ZBTB4: variants seen among roughly 807,000 people sequenced by gnomAD.
ZBTB4 encodes zinc finger and BTB domain containing 4.
In ZBTB4, 14 loss-of-function variants were observed where a neutral mutation model predicts 59.8. That is an observed-to-expected ratio of 0.23 (90% CI 0.15 to 0.37). The LOEUF (loss-of-function observed/expected upper bound fraction) is 0.37, where lower values mean the gene tolerates loss of function less well. Among genes scored for constraint, ZBTB4 ranks in the 10% least tolerant of loss-of-function variants. The pLI, the probability that ZBTB4 is intolerant of heterozygous loss-of-function variation, is 1.00. For synonymous variants in ZBTB4, 587 were observed against 575.2 expected, an observed-to-expected ratio of 1.02 and a Z score of -0.29; for missense variants, 1,198 against 1,380.8, an observed-to-expected ratio of 0.87 and a Z score of 2.10.
chr17:7,463,237 C>G lies in ZBTB4; in HGVS notation c.1745G>C (p.Gly582Ala), dbSNP rs755959615. Residue 582 changes from glycine to alanine, a missense_variant, in exon 4 of 4, where the codon GGG becomes GCG. This residue lies in a region of ZBTB4 where 550 missense variants were observed against 541.8 expected (regional missense o/e 1.02). Coordinates refer to ENST00000380599, the MANE Select transcript of ZBTB4 (RefSeq NM_001128833.2). ...AKPVGGIGGG[G>A]GPPTGAGRGP... is the part of the protein sequence containing the mutation. The stretch of plus-strand genomic sequence containing the variant: ...CCGGCCAGCCCCTGTGGGGGGACCC[C>G]CACCTCCACCAATCCCGCCCACTGG... The G allele has an allele frequency of 6.2e-6, 10 of 1,611,420 alleles. No individual in the cohort carries two copies. Among genetic ancestry groups the G allele is most frequent in the Non-Finnish European group, 8.5e-6 (10 of 1,179,406 alleles).
chr17:7,462,448 G>A lies in ZBTB4; in HGVS notation c.2534C>T (p.Ala845Val). The A allele has an allele frequency of 6.2e-7, 1 of 1,613,868 alleles. No individual in the cohort carries two copies. Among genetic ancestry groups the A allele is most frequent in the Non-Finnish European group, 8.5e-7 (1 of 1,180,012 alleles). ...STAAEEASET[A>V]SLQDPIISGG... ...TGAAATGATAGGGTCCTGGAGTGAG[G>A]CGGTCTCGGAAGCTTCCTCAGCAGC... The change falls in exon 4 of 4, where the codon GCC (alanine) becomes GTC (valine). Residue 845 changes from alanine (A) to valine (V), a missense_variant. This residue lies in a region of ZBTB4 where 211 missense variants were observed against 236.1 expected (regional missense o/e 0.89). Transcript: ENST00000380599. The surrounding 1 kb of genome is among the most constrained non-coding windows in gnomAD (Gnocchi z 7.5).
chr17:7,471,106 G>C (rs1229195583), intron 1 of ZBTB4, among the ~76,000 whole-genome samples: 1 of 152,168 alleles, frequency 6.6e-6, no homozygotes, highest in Non-Finnish European at 1.5e-5. Flanking sequence ...CTTAGAACTA[G>C]AGACACCCAA....
upstream of ZBTB4, chr17:7,482,514 T>C: frequency 6.2e-7 from 1 of 1,613,504 alleles, no homozygotes; most frequent in Non-Finnish European, 8.5e-7. Context: ...GGACCTGGAC[T>C]CTGGACACTA....
In ZBTB4 at chr17:7,462,110, C is replaced by T; in HGVS notation, c.2872G>A (p.Ala958Thr). Reference protein sequence around the residue: ...LNMVLPDEKGAGALPFLPGVF... With the variant: ...LNMVLPDEKGTGALPFLPGVF... ...CCTGGTAGGAAGGGAAGGGCCCCCGCACCCTTCTCATCAGGTAGGACCATG... is the reference window on the plus strand; with the variant it reads ...CCTGGTAGGAAGGGAAGGGCCCCCGTACCCTTCTCATCAGGTAGGACCATG... The change falls in exon 4 of 4, where the codon GCG (alanine) becomes ACG (threonine). Residue 958 changes from alanine to threonine, a missense_variant. By Grantham distance (58) the Ala-to-Thr change is moderately conservative (BLOSUM62 0). Coordinates refer to ENST00000380599, the MANE Select transcript of ZBTB4 (RefSeq NM_001128833.2). This position sits in a 1 kb window ranked among gnomAD's most constrained non-coding sequence, Gnocchi z 7.5. 1 of 1,611,894 alleles carries T rather than the reference C, an allele frequency of 6.2e-7. No individual in the cohort carries two copies. Among genetic ancestry groups the T allele is most frequent in the Non-Finnish European group, 8.5e-7 (1 of 1,178,850 alleles).
upstream of ZBTB4, chr17:7,479,687 C>A (rs1185430838): frequency 2.7e-5 from 4 of 150,376 alleles, no homozygotes; most frequent in Admixed American, 6.7e-5. Context: ...AGTCCCCCCC[C>A]AGCGCCGCCG....
At position 7,466,187 on chromosome 17, in the gene ZBTB4, G is replaced by A. The variant is rs765308988; in HGVS notation, c.615C>T (p.Pro205=). The A allele has an allele frequency of 1.5e-5, 24 of 1,613,170 alleles. 1 individual carries two copies. In the East Asian group the frequency reaches 3.1e-4, roughly 21 times the overall value. The change falls in exon 3 of 4, where the codon CCC becomes CCT. Residue 205 remains proline (P), a synonymous_variant. Transcript: ENST00000380599. The surrounding 1 kb of genome is among the most constrained non-coding windows in gnomAD (Gnocchi z 9.1). ...TSQPEEDSFG[P]GPRPAGEWEG... ...CCCACTCCCCAGCTGGCCTGGGCCC[G>A]GGCCCAAAGCTGTCCTCTTCAGGCT...
chr17:7,479,887 C>T (rs1037938934), upstream of ZBTB4, among the ~76,000 whole-genome samples: 17 of 151,732 alleles, frequency 1.1e-4, no homozygotes, highest in Non-Finnish European at 2.2e-4. Flanking sequence ...GACCACCGAC[C>T]CCCAGGGAAA....
chr17:7,467,808 T>G (rs932724666), intron 1 of ZBTB4, among the ~76,000 whole-genome samples: 1 of 152,214 alleles, frequency 6.6e-6, no homozygotes, highest in Non-Finnish European at 1.5e-5. Context: ...CTGGTAGATA[T>G]TCAAATTAGG....
At position 7,463,236 on chromosome 17, in the gene ZBTB4, C is replaced by CCCACCT; in HGVS notation, c.1740_1745dup (p.Gly582_Gly583dup). ...CCCGGCCAGCCCCTGTGGGGGGACC[C>CCCACCT]CCACCTCCACCAATCCCGCCCACTG... On this transcript the variant is annotated inframe_insertion, in exon 4 of 4. Transcript: ENST00000380599. The CCCACCT allele has an allele frequency of 4.3e-6, 7 of 1,611,348 alleles. No individual in the cohort carries two copies. Among genetic ancestry groups the CCCACCT allele is most frequent in the Non-Finnish European group, 5.9e-6 (7 of 1,179,398 alleles).
rs183357608 is a variant in ZBTB4 at position 7,462,820 on chromosome 17, C to T, written c.2162G>A (p.Arg721His). ...CCCGCATCGGTGCCTCCGCTCTGTG[C>T]GGGCACGTCCCGCTGGGCTCTCGGC... ...PAAESPAGRA[R>H]TERRHRCGDC... The change falls in exon 4 of 4, where the codon CGC becomes CAC. Residue 721 changes from arginine (R) to histidine (H), a missense_variant. Physicochemically the swap from Arg to His is conservative, Grantham distance 29 (BLOSUM62 0). Coordinates refer to ENST00000380599, the MANE Select transcript of ZBTB4 (RefSeq NM_001128833.2). This position sits in a 1 kb window ranked among gnomAD's most constrained non-coding sequence, Gnocchi z 7.5. The T allele has an allele frequency of 1.2e-4, 200 of 1,602,838 alleles. No individual in the cohort carries two copies. Among genetic ancestry groups the T allele is most frequent in the Admixed American group, 4.8e-4 (29 of 59,988 alleles).
In ZBTB4 at chr17:7,462,404, C is replaced by A; in HGVS notation, c.2578G>T (p.Val860Leu). 6.2e-7 allele frequency: 1 copy of A among 1,613,990 alleles called. No individual in the cohort carries two copies. Among genetic ancestry groups the A allele is most frequent in the Non-Finnish European group, 8.5e-7 (1 of 1,180,004 alleles). Reference protein sequence around the residue: ...PIISGGEEPPVVASGGSYVYP... With the variant: ...PIISGGEEPPLVASGGSYVYP... The stretch of plus-strand genomic sequence containing the variant: ...ACATAGCTGCCCCCGCTTGCCACTA[C>A]TGGGGGCTCCTCACCCCCTGAAATG... Residue 860 changes from valine (V) to leucine (L), a missense_variant, in exon 4 of 4, where the codon GTA becomes TTA. Physicochemically the swap from Val to Leu is conservative, Grantham distance 32. Around this residue, in one of 9 missense-constraint regions of ZBTB4, gnomAD observed 211 missense variants for 236.1 expected, o/e 0.89. Coordinates refer to ENST00000380599, the MANE Select transcript of ZBTB4 (RefSeq NM_001128833.2). The surrounding 1 kb of genome is among the most constrained non-coding windows in gnomAD (Gnocchi z 7.5).
chr17:7,472,254 G>C (rs900728856), intron 1 of ZBTB4, among the ~76,000 whole-genome samples: 1 of 151,266 alleles, frequency 6.6e-6, no homozygotes, highest in Non-Finnish European at 1.5e-5. Flanking sequence ...GCAGTGGTGC[G>C]ATCTGGGCTC....
rs145202847 is a variant in ZBTB4 at position 7,469,132 on chromosome 17, C to A, written c.-80-1805G>T. Among the ~76,000 whole-genome samples the A allele has an allele frequency of 4.0e-3, 611 of 152,120 alleles. 2 individuals carry two copies. The highest frequency in any genetic ancestry group is 5.6e-3 in the Non-Finnish European group (379 of 68,000). On this transcript the variant is annotated intron_variant, in intron 1 of 3. Coordinates refer to ENST00000380599, the MANE Select transcript of ZBTB4 (RefSeq NM_001128833.2). ...TTACCTCATTTGTTCCTTATCACTA[C>A]CCTGAAAGGTAGCAGTTAGCTTTCC...
upstream of ZBTB4, chr17:7,482,661 C>T (rs2070361199): frequency 6.2e-7 from 1 of 1,611,960 alleles, no homozygotes; most frequent in African/African-American, 1.3e-5. Flanking sequence ...GCCTTCCTAT[C>T]TGGCTTGGTG....
At chr17:7,482,626 C>A, upstream of ZBTB4, 1 of 1,612,106 alleles carries the variant, frequency 6.2e-7, no homozygotes, top group Non-Finnish European at 8.5e-7. Flanking sequence ...GTTCTCTGCA[C>A]TTTCCCTCCT....
chr17:7,459,790 A>G lies in ZBTB4; in HGVS notation c.*2150T>C, dbSNP rs527911297. ...CATATTTAAGAAAAAAAAAATGTCT[A>G]CAATCTCAATTCTCCCAAAAAAAAA... On this transcript the variant is annotated 3_prime_UTR_variant, in exon 4 of 4. Coordinates refer to ENST00000380599, the MANE Select transcript of ZBTB4 (RefSeq NM_001128833.2). 5.2e-5 allele frequency: 8 copies of G among 152,670 alleles called. No individual in the cohort carries two copies. The highest frequency in any genetic ancestry group is 1.7e-4 in the African/African-American group (7 of 41,530). The allele number at this position is 152,670 out of a possible 1,614,324, so 9.5% of individuals were successfully genotyped here. A position where few individuals can be genotyped will look rare whatever the true frequency, so the allele number is the denominator to read the frequency against.
chr17:7,478,579 C>T (rs931943126), intron 1 of ZBTB4, among the ~76,000 whole-genome samples: 1 of 152,182 alleles, frequency 6.6e-6, no homozygotes, highest in Non-Finnish European at 1.5e-5. Flanking sequence ...TGGCACCCTC[C>T]GCAACACATA....
chr17:7,469,590 T>C lies in ZBTB4; in HGVS notation c.-80-2263A>G, dbSNP rs554324516. ...CCAGCCTGGCCAATGTGGCGATCTC[T>C]ACTAAAAATAATAATAAAAAAAAAA... On this transcript the variant is annotated intron_variant, in intron 1 of 3. Transcript: ENST00000380599. Among the ~76,000 whole-genome samples, 22 of 144,846 alleles carry C rather than the reference T, an allele frequency of 1.5e-4. No homozygotes were observed. The South Asian group carries it at 3.2e-3, about 21-fold the overall frequency.
rs67462449 is a variant in ZBTB4 at position 7,474,220 on chromosome 17, C to CTTTT, written c.-81+5232_-81+5235dup. On this transcript the variant is annotated intron_variant, in intron 1 of 3. Coordinates refer to ENST00000380599, the MANE Select transcript of ZBTB4 (RefSeq NM_001128833.2). ...ACAGGCATGAGCCACCATGGCCAGA[C>CTTTT]TTTTTTTTTTTTTGACATGAGGTCT... Among the ~76,000 whole-genome samples, 27 of 116,114 alleles carry CTTTT rather than the reference C, an allele frequency of 2.3e-4. 1 individual carries two copies. The highest frequency in any genetic ancestry group is 1.2e-3 in the East Asian group (5 of 4,214). The allele number at this position is 116,114 out of a possible 152,430, so 76.2% of individuals were successfully genotyped here. A position where few individuals can be genotyped will look rare whatever the true frequency, so the allele number is the denominator to read the frequency against.
Sources: allele counts gnomAD v4.1 joint callset (sites outside exome capture counted in the v4.1 genomes callset), GRCh38; gene constraint gnomAD v4.1.1; regional missense constraint gnomAD v4.1.1; non-coding constraint Gnocchi (gnomAD v3.1); transcripts MANE v1.5; gene names NCBI Gene and HGNC (gene_info 2026-07-23, HGNC 2026-07-21).